The following FAM135B variants were observed in gnomAD, a reference collection of about 807,000 sequenced individuals.
FAM135B encodes the protein family with sequence similarity 135 member B.
A neutral mutation model predicts 127.7 loss-of-function variants in FAM135B; 43 were observed. The ratio of observed to expected loss-of-function variants is 0.34; its 90% CI spans 0.26 to 0.43. The LOEUF (loss-of-function observed/expected upper bound fraction) is 0.43. FAM135B is among the 20% of genes least tolerant of loss of function. The pLI, the probability that FAM135B is intolerant of heterozygous loss-of-function variation, is 1.00. For synonymous variants in FAM135B, 670 were observed against 665.1 expected (o/e 1.01, Z -0.11); for missense variants, 1,558 against 1,725.6 (o/e 0.90, Z 1.72).
Position 138,250,924 on chromosome 8 carries a change from C to T in FAM135B, c.459G>A (p.Pro153=), listed in dbSNP as rs370425780. The change falls in exon 6 of 20, where the codon CCG becomes CCA. Residue 153 remains proline (P), a synonymous_variant. Transcript: ENST00000395297. ...HPRNGLHHQV[P]VMFDYFHLSV... ...ACAGGTGGAAATAGTCGAACATGAC[C>T]GGGACCTGGTGGTGCAGACCATTCC... is the stretch of plus-strand genomic sequence containing the variant. 129 of 1,613,734 alleles carry T rather than the reference C, an allele frequency of 8.0e-5. No individual in the cohort carries two copies. The highest frequency in any genetic ancestry group is 1.9e-4 in the African/African-American group (14 of 74,818).
chr8:138,323,361 C>A (rs578061351), intron 2 of FAM135B, among the ~76,000 whole-genome samples: 29 of 152,290 alleles, frequency 1.9e-4, no homozygotes, highest in African/African-American at 6.0e-4. Context: ...TCCCTTGCAG[C>A]TAGGAGAAAC....
chr8:138,355,310 G>C (rs964507972), intron 2 of FAM135B, among the ~76,000 whole-genome samples: 2 of 152,092 alleles, frequency 1.3e-5, no homozygotes, highest in East Asian at 3.9e-4. Flanking sequence ...CAAAGACTTG[G>C]AACCAACCCA....
intron 1 of FAM135B, among the ~76,000 whole-genome samples, chr8:138,446,485 C>T (rs1039818803): frequency 1.3e-5 from 2 of 152,148 alleles, no homozygotes; most frequent in African/African-American, 2.4e-5. Flanking sequence ...GAACAGAGGC[C>T]TCAGCAGTAA....
intron 2 of FAM135B, among the ~76,000 whole-genome samples, chr8:138,351,471 A>G (rs1333355797): frequency 6.6e-6 from 1 of 152,122 alleles, no homozygotes; most frequent in Non-Finnish European, 1.5e-5. Flanking sequence ...AGATTAACAG[A>G]AAAGACACCA....
chr8:138,379,703 G>C (rs1224346353), intron 1 of FAM135B, among the ~76,000 whole-genome samples: 1 of 152,182 alleles, frequency 6.6e-6, no homozygotes, highest in East Asian at 1.9e-4. Flanking sequence ...ACCTGAGGGA[G>C]ACAGAAGTTG....
intron 2 of FAM135B, among the ~76,000 whole-genome samples, chr8:138,367,635 T>G (rs945345421): frequency 3.3e-5 from 5 of 152,020 alleles, no homozygotes; most frequent in African/African-American, 1.2e-4. Flanking sequence ...GACATATGTA[T>G]TAGAAAGAGC....
chr8:138,255,927 G>A (rs1047083819), intron 5 of FAM135B, among the ~76,000 whole-genome samples: 5 of 152,158 alleles, frequency 3.3e-5, no homozygotes, highest in Non-Finnish European at 7.4e-5. Flanking sequence ...AGAAAGGGGG[G>A]ATATGAAGCC....
intron 1 of FAM135B, among the ~76,000 whole-genome samples, chr8:138,471,702 A>G (rs975363103): frequency 2.0e-5 from 3 of 152,220 alleles, no homozygotes; most frequent in African/African-American, 7.2e-5. Flanking sequence ...TGAGAAACCT[A>G]TGGTAATTTA....
chr8:138,453,212 T>G (rs1344595469), intron 1 of FAM135B, among the ~76,000 whole-genome samples: 1 of 152,132 alleles, frequency 6.6e-6, no homozygotes, highest in African/African-American at 2.4e-5. Flanking sequence ...TGTAACATCA[T>G]TGCCTACTAT....
At position 138,167,818 on chromosome 8, in the gene FAM135B, A is replaced by G. The variant is rs1820074375; in HGVS notation, c.1258+77T>C. On this transcript the variant is annotated intron_variant, in intron 12 of 19. Coordinates refer to ENST00000395297, the MANE Select transcript of FAM135B (RefSeq NM_015912.4). ...AATTTGGTCTCACTTTTGCTGGAAT[A>G]TAAACAAACTGTGCCATTGTCAGAA... is the stretch of plus-strand genomic sequence containing the variant. 6 of 1,475,732 alleles carry G rather than the reference A, an allele frequency of 4.1e-6. No individual in the cohort carries two copies. The East Asian group carries it at 9.8e-5, about 24-fold the overall frequency. 91.4% of individuals were successfully genotyped at this position (1,475,732 alleles called of 1,614,324 possible).
intron 9 of FAM135B, 98 bp downstream of exon 9, chr8:138,195,160 G>T: frequency 8.9e-7 from 1 of 1,128,986 alleles, no homozygotes; most frequent in Non-Finnish European, 1.3e-6. Context: ...TACAAGTGGT[G>T]TCTTTTCACT....
chr8:138,247,206 A>AAGGC (rs1473942438), intron 6 of FAM135B, among the ~76,000 whole-genome samples: 1 of 152,216 alleles, frequency 6.6e-6, no homozygotes, highest in Non-Finnish European at 1.5e-5. Flanking sequence ...GACTGTTAGA[A>AAGGC]AGGCATGATT....
intron 7 of FAM135B, among the ~76,000 whole-genome samples, chr8:138,201,892 G>A (rs140330227): frequency 0.011 from 1,671 of 152,122 alleles, 35 homozygotes; most frequent in African/African-American, 0.038. Context: ...TTGGGAGGCC[G>A]AGGCGGGCAG....
intron 1 of FAM135B, among the ~76,000 whole-genome samples, chr8:138,458,026 G>A (rs895910273): frequency 2.0e-5 from 3 of 150,764 alleles, no homozygotes; most frequent in African/African-American, 4.9e-5. Flanking sequence ...TGTGGCACAC[G>A]CCTATAGTCT....
At chr8:138,149,346 C>A (rs1817932094) in intron 13 of FAM135B, among the ~76,000 whole-genome samples, 1 of 152,070 alleles carries the variant, frequency 6.6e-6, no homozygotes, top group Non-Finnish European at 1.5e-5. Flanking sequence ...TTGATTGACA[C>A]CCAGGCCCTC....
At chr8:138,429,182 T>A (rs1018352611) in intron 1 of FAM135B, among the ~76,000 whole-genome samples, 16 of 152,142 alleles carry the variant, frequency 1.1e-4, no homozygotes, top group African/African-American at 3.9e-4. Flanking sequence ...TAGGTAAAAT[T>A]AAGAAACCTG....
chr8:138,334,347 C>T (rs573133509), intron 2 of FAM135B, among the ~76,000 whole-genome samples: 24 of 152,306 alleles, frequency 1.6e-4, no homozygotes, highest in Non-Finnish European at 3.5e-4. Flanking sequence ...ACCCCCTTAG[C>T]AAATATTCAC....
intron 3 of FAM135B, among the ~76,000 whole-genome samples, chr8:138,302,134 GTTATTA>G (rs67616345): frequency 2.7e-5 from 4 of 150,918 alleles, no homozygotes; most frequent in Non-Finnish European, 5.9e-5. Flanking sequence ...TGAAGGAAGT[GTTATTA>G]TTATTATTAT....
chr8:138,144,155 C>T (rs2130639406), intron 15 of FAM135B: 1 of 152,344 alleles, frequency 6.6e-6, no homozygotes, highest in African/African-American at 2.4e-5. Flanking sequence ...GCGCAGTGGC[C>T]CATGCCTGTA....
Sources: gnomAD v4.1 joint callset for allele counts (sites outside exome capture counted in the v4.1 genomes callset) on GRCh38, gnomAD v4.1.1 for gene constraint, MANE v1.5 for transcripts, NCBI Gene and HGNC (gene_info 2026-07-23, HGNC 2026-07-21) for gene names.